The following SOCS6 variants were observed in gnomAD, a reference collection of about 807,000 sequenced individuals.
The protein encoded by SOCS6 is STAT induced STAT inhibitor-4.
In SOCS6, 5 loss-of-function variants were observed where a neutral mutation model predicts 27.7. The ratio of observed to expected loss-of-function variants is 0.18; its 90% CI spans 0.09 to 0.38. The LOEUF (loss-of-function observed/expected upper bound fraction) is 0.38, where lower values mean the gene tolerates loss of function less well. SOCS6 is among the 10% of genes least tolerant of loss of function. The pLI, the probability that SOCS6 is intolerant of heterozygous loss-of-function variation, is 1.00. For missense variants in SOCS6, 595 were observed against 688.1 expected (o/e 0.86, Z 1.51); for synonymous variants, 271 against 260.0 (o/e 1.04, Z -0.41).
rs1489970372 is a variant in SOCS6 at position 70,325,269 on chromosome 18, C to T, written c.601C>T (p.Leu201=). ...LKSSASHNGD[L]HLHLDEHVPV... is the part of the protein sequence containing the mutation. ...GAGCTCGGCTTCTCATAATGGAGAC[C>T]TGCATCTTCACCTGGATGAACATGT... Residue 201 remains leucine, a synonymous_variant, in exon 2 of 2, where the codon CTG becomes TTG. Coordinates refer to ENST00000397942, the MANE Select transcript of SOCS6 (RefSeq NM_004232.4). The surrounding 1 kb of genome is among the most constrained non-coding windows in gnomAD (Gnocchi z 6.3). 1 of 1,614,224 alleles carries T rather than the reference C, an allele frequency of 6.2e-7. No individual in the cohort carries two copies. Among genetic ancestry groups the T allele is most frequent in the Non-Finnish European group, 8.5e-7 (1 of 1,180,032 alleles).
At chr18:70,318,987 G>A (rs1349710152) in intron 1 of SOCS6, among the ~76,000 whole-genome samples, 1 of 152,024 alleles carries the variant, frequency 6.6e-6, no homozygotes, top group Non-Finnish European at 1.5e-5. Flanking sequence ...AAGAAAGAAA[G>A]AAAGGAAATT....
intron 1 of SOCS6, among the ~76,000 whole-genome samples, chr18:70,321,884 G>A (rs1365485140): frequency 1.3e-5 from 2 of 152,056 alleles, no homozygotes; most frequent in Non-Finnish European, 2.9e-5. Flanking sequence ...AACTTTGTTG[G>A]GCAAATTCCA....
At chr18:70,318,709 G>A (rs889163368) in intron 1 of SOCS6, among the ~76,000 whole-genome samples, 9 of 152,036 alleles carry the variant, frequency 5.9e-5, no homozygotes, top group Admixed American at 4.6e-4. Context: ...AGGCCAAAGC[G>A]GGTGGATCAC....
chr18:70,297,575 C>T (rs745633143), intron 1 of SOCS6, among the ~76,000 whole-genome samples: 2 of 152,016 alleles, frequency 1.3e-5, no homozygotes, highest in African/African-American at 4.8e-5. Flanking sequence ...TTAATTTGGA[C>T]TATTTTAAAA....
intron 1 of SOCS6, among the ~76,000 whole-genome samples, chr18:70,301,331 G>A (rs1216387190): frequency 2.0e-5 from 3 of 152,200 alleles, no homozygotes; most frequent in African/African-American, 7.2e-5. Context: ...GACTAGTATA[G>A]TGGCAAAAAG....
chr18:70,326,423 G>A lies in SOCS6; in HGVS notation c.*147G>A, dbSNP rs931261300. ...AAGAGTCATCAGTTTGTTTAGGGGT[G>A]GGGAAGTGTCAGCAAGGTGTCTTGG... On this transcript the variant is annotated 3_prime_UTR_variant, in exon 2 of 2. Coordinates refer to ENST00000397942, the MANE Select transcript of SOCS6 (RefSeq NM_004232.4). 2.7e-5 allele frequency: 19 copies of A among 712,908 alleles called. No individual in the cohort carries two copies. The highest frequency in any genetic ancestry group is 3.9e-5 in the Non-Finnish European group (17 of 432,202). The allele number at this position is 712,908 out of a possible 1,614,324, so 44.2% of individuals were successfully genotyped here. A position where few individuals can be genotyped will look rare whatever the true frequency, so the allele number is the denominator to read the frequency against.
At chr18:70,296,414 A>G (rs537369864) in intron 1 of SOCS6, among the ~76,000 whole-genome samples, 11 of 152,236 alleles carry the variant, frequency 7.2e-5, no homozygotes, top group South Asian at 2.1e-4. Flanking sequence ...TTTGGGTCCA[A>G]TCTGCTTTCA....
At chr18:70,301,382 G>A (rs1472075761) in intron 1 of SOCS6, among the ~76,000 whole-genome samples, 1 of 152,120 alleles carries the variant, frequency 6.6e-6, no homozygotes, top group Non-Finnish European at 1.5e-5. Context: ...GCTGAAATTG[G>A]GATTTCATGA....
Position 70,327,753 on chromosome 18 carries a change from A to G in SOCS6, c.*1477A>G, listed in dbSNP as rs1911265431. On this transcript the variant is annotated 3_prime_UTR_variant, in exon 2 of 2. Coordinates refer to ENST00000397942, the MANE Select transcript of SOCS6 (RefSeq NM_004232.4). ...CACACCTTTAAAGGAAAATGTTTCTATCTCAGATGAAACATGTAATTTGGG... is the reference window on the plus strand; with the variant it reads ...CACACCTTTAAAGGAAAATGTTTCTGTCTCAGATGAAACATGTAATTTGGG... The G allele has an allele frequency of 6.0e-6, 1 of 166,972 alleles. No individual in the cohort carries two copies. Among genetic ancestry groups the G allele is most frequent in the African/African-American group, 2.4e-5 (1 of 41,448 alleles). The allele number at this position is 166,972 out of a possible 1,614,324, so 10.3% of individuals were successfully genotyped here.
Position 70,324,935 on chromosome 18 carries a change from C to G in SOCS6, c.267C>G (p.Gly89=). The G allele has an allele frequency of 6.8e-6, 11 of 1,614,194 alleles. No individual in the cohort carries two copies. Among genetic ancestry groups the G allele is most frequent in the Non-Finnish European group, 9.3e-6 (11 of 1,180,032 alleles). ...TTTCTGCAAAACAGAAGTCAAAAGG[C>G]AAGGCGGGCACACCCTCTGGGAGCT... ...RRLSAKQKSK[G]KAGTPSGSSA... is the part of the protein sequence containing the mutation. The change falls in exon 2 of 2, where the codon GGC becomes GGG. Residue 89 remains glycine (G), a synonymous_variant. Coordinates refer to ENST00000397942, the MANE Select transcript of SOCS6 (RefSeq NM_004232.4).
At chr18:70,296,994 T>C (rs2062326775) in intron 1 of SOCS6, among the ~76,000 whole-genome samples, 1 of 128,896 alleles carries the variant, frequency 7.8e-6, no homozygotes, top group Admixed American at 9.0e-5. Flanking sequence ...TTTTCTCCAT[T>C]TTTCTTGTCT....
intron 1 of SOCS6, among the ~76,000 whole-genome samples, chr18:70,314,816 C>A (rs2062405057): frequency 6.6e-6 from 1 of 151,792 alleles, no homozygotes; most frequent in Admixed American, 6.6e-5. Flanking sequence ...CAATTGATGT[C>A]CTCGTTGCTG....
At chr18:70,307,208 G>A (rs1389599148) in intron 1 of SOCS6, among the ~76,000 whole-genome samples, 1 of 152,178 alleles carries the variant, frequency 6.6e-6, no homozygotes, top group African/African-American at 2.4e-5. Flanking sequence ...GTTGCAGCGA[G>A]CCATGATTGC....
At chr18:70,289,725 G>C (rs1052536357) in intron 1 of SOCS6, among the ~76,000 whole-genome samples, 9 of 151,876 alleles carry the variant, frequency 5.9e-5, no homozygotes, top group African/African-American at 2.2e-4. Context: ...GGTGCAGGCC[G>C]GGGCTGCTCT....
chr18:70,290,559 A>G (rs1207637055), intron 1 of SOCS6, among the ~76,000 whole-genome samples: 1 of 152,172 alleles, frequency 6.6e-6, no homozygotes, highest in Non-Finnish European at 1.5e-5. Context: ...TCTAGGATCC[A>G]TTCAGCTCTA....
intron 1 of SOCS6, among the ~76,000 whole-genome samples, chr18:70,294,875 C>T (rs1042934965): frequency 6.6e-6 from 1 of 152,242 alleles, no homozygotes; most frequent in African/African-American, 2.4e-5. Flanking sequence ...TCACTCCTAA[C>T]AGCGAACACA....
intron 1 of SOCS6, among the ~76,000 whole-genome samples, chr18:70,323,422 T>C (rs1411286427): frequency 6.6e-6 from 1 of 152,106 alleles, no homozygotes; most frequent in Non-Finnish European, 1.5e-5. Flanking sequence ...TAGAACAATG[T>C]ACAAAAAAAG....
Position 70,290,712 on chromosome 18 carries a change from C to T in SOCS6, c.-127+1622C>T, listed in dbSNP as rs11876682. 4.4e-3 allele frequency among the ~76,000 whole-genome samples: 676 copies of T among 152,306 alleles called. 5 individuals are homozygous for T. Among genetic ancestry groups the T allele is most frequent in the African/African-American group, 0.014 (582 of 41,574 alleles). ...TATCTGGAGTTTGGCCAGGGCTTTC[C>T]GCTTGTGCCTGGGTAAGGGTCAGCC... On this transcript the variant is annotated intron_variant, in intron 1 of 1. Coordinates refer to ENST00000397942, the MANE Select transcript of SOCS6 (RefSeq NM_004232.4).
At chr18:70,298,733 G>A (rs953332826) in intron 1 of SOCS6, among the ~76,000 whole-genome samples, 1 of 152,140 alleles carries the variant, frequency 6.6e-6, no homozygotes, top group African/African-American at 2.4e-5. Flanking sequence ...TTATTTCATA[G>A]GAGTCTCAGG....
Sources: gnomAD v4.1 joint callset for allele counts (sites outside exome capture counted in the v4.1 genomes callset) on GRCh38, gnomAD v4.1.1 for gene constraint, Gnocchi (gnomAD v3.1) non-coding constraint, MANE v1.5 for transcripts, NCBI Gene and HGNC (gene_info 2026-07-23, HGNC 2026-07-21) for gene names.